TMEM132C: variants seen among roughly 807,000 people sequenced by gnomAD.
The protein encoded by TMEM132C is protein phosphatase 1, regulatory subunit 152.
TMEM132C carries 29 observed loss-of-function variants against 61.4 expected under a neutral mutation model. That is an observed-to-expected ratio of 0.47 (90% CI 0.35 to 0.64). The LOEUF is 0.64. Ranked by LOEUF, TMEM132C falls within the 30% of genes least tolerant of loss-of-function variation. The probability of loss-of-function intolerance (pLI) is 0.00; values close to 1 mark genes in which losing one functional copy is unlikely to be tolerated. For missense variants in TMEM132C, 1,408 were observed against 1,476.9 expected, an observed-to-expected ratio of 0.95 and a Z score of 0.76; for synonymous variants, 656 against 633.1, an observed-to-expected ratio of 1.04 and a Z score of -0.54.
chr12:128,493,760 G>A (rs1871837131), intron 2 of TMEM132C, among the ~76,000 whole-genome samples: 2 of 152,166 alleles, frequency 1.3e-5, no homozygotes, highest in African/African-American at 4.8e-5. Context: ...CTGAGACGAT[G>A]GGGTTTTCTA....
intron 1 of TMEM132C, among the ~76,000 whole-genome samples, chr12:128,315,526 T>A (rs1872125632): frequency 2.0e-5 from 3 of 151,868 alleles, no homozygotes; most frequent in Admixed American, 1.3e-4. Context: ...TCCACCCAAC[T>A]TTTTGGAAAA....
intron 1 of TMEM132C, among the ~76,000 whole-genome samples, chr12:128,413,101 C>T (rs376813937): frequency 5.4e-4 from 82 of 151,944 alleles, no homozygotes; most frequent in African/African-American, 1.9e-3. Flanking sequence ...GATCTAGACC[C>T]TCCTGGCTAA....
At chr12:128,430,138 C>A (rs868221079) in intron 2 of TMEM132C, among the ~76,000 whole-genome samples, 1 of 152,164 alleles carries the variant, frequency 6.6e-6, no homozygotes, top group African/African-American at 2.4e-5. Context: ...TCCTAGTAAG[C>A]CTGCAGTGGG....
At chr12:128,554,182 C>G (rs2136157785) in intron 3 of TMEM132C, among the ~76,000 whole-genome samples, 1 of 152,358 alleles carries the variant, frequency 6.6e-6, no homozygotes, top group Non-Finnish European at 1.5e-5. Flanking sequence ...GGCTGCAAAG[C>G]TAGCTGGACT....
Position 128,696,032 on chromosome 12 carries a change from G to A in TMEM132C, c.1858G>A (p.Glu620Lys). ...GGTGGCAGACTTCATGAAGCTGGAGGAACCTCACGTGGCCACCCTCCAGGA... is the reference window on the plus strand; with the variant it reads ...GGTGGCAGACTTCATGAAGCTGGAGAAACCTCACGTGGCCACCCTCCAGGA... ...HLVADFMKLE[E>K]PHVATLQDSR... Residue 620 changes from glutamate (E) to lysine (K), a missense_variant, in exon 7 of 9, where the codon GAA (glutamate) becomes AAA (lysine). Physicochemically the swap from Glu to Lys is moderately conservative, Grantham distance 56. Coordinates refer to ENST00000435159, the MANE Select transcript of TMEM132C (RefSeq NM_001136103.3). The A allele has an allele frequency of 1.3e-6, 2 of 1,551,742 alleles. No individual in the cohort carries two copies. Among genetic ancestry groups the A allele is most frequent in the East Asian group, 2.4e-5 (1 of 40,916 alleles).
chr12:128,313,317 T>A (rs575279494), intron 1 of TMEM132C, among the ~76,000 whole-genome samples: 1 of 152,320 alleles, frequency 6.6e-6, no homozygotes, highest in South Asian at 2.1e-4. Context: ...GCTAAGTCAC[T>A]CGTCTGAGGC....
intron 5 of TMEM132C, among the ~76,000 whole-genome samples, chr12:128,688,934 C>T (rs370357072): frequency 6.2e-4 from 95 of 152,020 alleles, no homozygotes; most frequent in African/African-American, 2.1e-3. Flanking sequence ...GCTGGGATTA[C>T]AGGCATGCAC....
At chr12:128,565,805 A>T (rs1874676036) in intron 3 of TMEM132C, among the ~76,000 whole-genome samples, 1 of 152,058 alleles carries the variant, frequency 6.6e-6, no homozygotes, top group African/African-American at 2.4e-5. Context: ...TCCAAAATTC[A>T]GCATAAATTC....
chr12:128,665,102 C>G (rs1054916192), intron 4 of TMEM132C, among the ~76,000 whole-genome samples: 1 of 150,502 alleles, frequency 6.6e-6, no homozygotes, highest in East Asian at 2.0e-4. Flanking sequence ...CATACACAGG[C>G]ACACACACAG....
chr12:128,689,410 G>T (rs1456906688), intron 5 of TMEM132C, among the ~76,000 whole-genome samples: 1 of 152,124 alleles, frequency 6.6e-6, no homozygotes, highest in Non-Finnish European at 1.5e-5. Flanking sequence ...AGAAAATGAC[G>T]TGAAAGCACC....
At chr12:128,525,459 C>A (rs1873054233) in intron 2 of TMEM132C, among the ~76,000 whole-genome samples, 1 of 152,064 alleles carries the variant, frequency 6.6e-6, no homozygotes, top group Non-Finnish European at 1.5e-5. Context: ...AACCTCCATA[C>A]ATCCTGTTCT....
intron 5 of TMEM132C, among the ~76,000 whole-genome samples, chr12:128,684,966 C>T (rs575632974): frequency 1.2e-4 from 19 of 152,186 alleles, no homozygotes; most frequent in South Asian, 6.2e-4. Flanking sequence ...GAACAGGTAC[C>T]GGCAACGAGA....
intron 2 of TMEM132C, among the ~76,000 whole-genome samples, chr12:128,518,259 C>T (rs563787036): frequency 5.5e-4 from 84 of 152,266 alleles, no homozygotes; most frequent in African/African-American, 1.8e-3. Context: ...ATAGAAAGCA[C>T]CTAGATATAT....
chr12:128,303,063 C>T (rs1188944249), intron 1 of TMEM132C, among the ~76,000 whole-genome samples: 1 of 152,198 alleles, frequency 6.6e-6, no homozygotes, highest in Non-Finnish European at 1.5e-5. Context: ...AAGAGGACGA[C>T]ACAGCTTTGC....
intron 4 of TMEM132C, among the ~76,000 whole-genome samples, chr12:128,654,212 A>G (rs570736627): frequency 1.8e-4 from 27 of 152,266 alleles, no homozygotes; most frequent in African/African-American, 5.8e-4. Context: ...TGCTAATCCA[A>G]TGACTGGTGT....
At position 128,415,340 on chromosome 12, in the gene TMEM132C, G is replaced by A. The variant is rs12307622; in HGVS notation, c.694G>A (p.Val232Met). Residue 232 changes from valine (V) to methionine (M), a missense_variant, in exon 2 of 9, where the codon GTG becomes ATG. Transcript: ENST00000435159. The surrounding 1 kb of genome is among the most constrained non-coding windows in gnomAD (Gnocchi z 5.8). Reference protein sequence around the residue: ...EGTPVELYYTVHPGNERGDCA... With the variant: ...EGTPVELYYTMHPGNERGDCA... ...GACCCCTGTGGAGCTCTACTACACC[G>A]TGCACCCAGGAAACGAGCGAGGGGA... The A allele has an allele frequency of 2.3e-3, 3,657 of 1,582,168 alleles. 63 individuals carry two copies. In the African/African-American group the frequency reaches 0.044, roughly 19 times the overall value.
intron 1 of TMEM132C, among the ~76,000 whole-genome samples, chr12:128,371,072 C>T (rs1238981966): frequency 1.3e-5 from 2 of 152,126 alleles, no homozygotes; most frequent in East Asian, 1.9e-4. Flanking sequence ...ACAGGAGCCT[C>T]GTCTAACATG....
At chr12:128,310,390 G>A (rs558202429) in intron 1 of TMEM132C, among the ~76,000 whole-genome samples, 2 of 152,272 alleles carry the variant, frequency 1.3e-5, no homozygotes, top group South Asian at 4.2e-4. Context: ...ATTGGCTCAT[G>A]GTTCTGCAGG....
At chr12:128,425,292 G>A (rs1468181576) in intron 2 of TMEM132C, among the ~76,000 whole-genome samples, 2 of 152,298 alleles carry the variant, frequency 1.3e-5, no homozygotes, top group South Asian at 2.1e-4. Context: ...GCCCCTTGGC[G>A]CTCATCTGGG....
Sources: gnomAD v4.1 joint callset for allele counts (sites outside exome capture counted in the v4.1 genomes callset) on GRCh38, gnomAD v4.1.1 for gene constraint, Gnocchi (gnomAD v3.1) non-coding constraint, MANE v1.5 for transcripts, NCBI Gene and HGNC (gene_info 2026-07-23, HGNC 2026-07-21) for gene names.